Variants in WWC1 observed in about 807,000 individuals in gnomAD.
WWC1 encodes protein KIBRA.
A neutral mutation model predicts 138.4 loss-of-function variants in WWC1; 55 were observed. That is an observed-to-expected ratio of 0.40 (90% CI 0.32 to 0.50). The LOEUF is 0.50. Among genes scored for constraint, WWC1 ranks in the 20% least tolerant of loss-of-function variants. WWC1 has a pLI of 0.72. For missense variants in WWC1, 1,226 were observed against 1,420.4 expected (o/e 0.86, Z 2.20); for synonymous variants, 524 against 564.9 (o/e 0.93, Z 1.03).
At chr5:168,431,183 G>A (rs1007215365) in intron 14 of WWC1, 69 bp from the exon 15 acceptor site, 1 of 1,410,468 alleles carries the variant, frequency 7.1e-7, no homozygotes, top group Non-Finnish European at 9.7e-7. Context: ...TTCAGCAGCT[G>A]TTTAGTCCAA....
At chr5:168,348,881 G>T (rs995082757) in intron 1 of WWC1, among the ~76,000 whole-genome samples, 1 of 152,172 alleles carries the variant, frequency 6.6e-6, no homozygotes, top group South Asian at 2.1e-4. Context: ...TTCCTGAGTG[G>T]TCTGAAAATT....
chr5:168,409,618 T>G (rs910920270), intron 7 of WWC1, among the ~76,000 whole-genome samples: 1 of 152,232 alleles, frequency 6.6e-6, no homozygotes, highest in South Asian at 2.1e-4. Context: ...CTGTCCTCCA[T>G]GCTTCTGTGG....
intron 3 of WWC1, among the ~76,000 whole-genome samples, chr5:168,392,319 A>G (rs1410899762): frequency 6.6e-6 from 1 of 152,148 alleles, no homozygotes; most frequent in Non-Finnish European, 1.5e-5. Flanking sequence ...AAATCTGACC[A>G]GGGAAGAGAT....
intron 21 of WWC1, among the ~76,000 whole-genome samples, chr5:168,466,632 C>G (rs1171832759): frequency 6.6e-6 from 1 of 152,090 alleles, no homozygotes; most frequent in Non-Finnish European, 1.5e-5. Context: ...TTATTTATAC[C>G]CTGTTTACTT....
Position 168,320,000 on chromosome 5 carries a change from T to TAGTGATG in WWC1, c.119+27737_119+27743dup, listed in dbSNP as rs200971532. On this transcript the variant is annotated intron_variant, in intron 1 of 22. Coordinates refer to ENST00000265293, the MANE Select transcript of WWC1 (RefSeq NM_015238.3). ...ATTGTGGTTTTGGTTTGCATTTCCC[T>TAGTGATG]AGTGATGAGTGATGTTGAGCATTTA... 3.1e-3 allele frequency among the ~76,000 whole-genome samples: 472 copies of TAGTGATG among 152,088 alleles called. 2 individuals are homozygous for TAGTGATG. The highest frequency in any genetic ancestry group is 0.011 in the African/African-American group (446 of 41,486).
At chr5:168,446,713 C>A (rs1755305362) in intron 17 of WWC1, among the ~76,000 whole-genome samples, 1 of 152,160 alleles carries the variant, frequency 6.6e-6, no homozygotes, top group Admixed American at 6.5e-5. Flanking sequence ...GGAAATAATA[C>A]TGACTATGTG....
intron 14 of WWC1, 42 bp from the exon 15 acceptor site, chr5:168,431,210 A>G (rs1212484910): frequency 1.3e-6 from 2 of 1,560,082 alleles, no homozygotes; most frequent in Admixed American, 1.8e-5. Context: ...AGCCCCAGAC[A>G]TGGGCTGACC....
intron 1 of WWC1, among the ~76,000 whole-genome samples, chr5:168,349,608 G>A (rs1353419685): frequency 6.6e-6 from 1 of 152,174 alleles, no homozygotes; most frequent in Non-Finnish European, 1.5e-5. Context: ...AAGTGGCCAC[G>A]TCAAGCTGGT....
intron 1 of WWC1, among the ~76,000 whole-genome samples, chr5:168,301,302 A>G (rs1195841428): frequency 6.6e-5 from 10 of 152,216 alleles, no homozygotes; most frequent in Non-Finnish European, 8.8e-5. Context: ...CATAAAGATC[A>G]TTAGAGGACA....
At chr5:168,357,958 G>T (rs1286705961) in intron 1 of WWC1, among the ~76,000 whole-genome samples, 3 of 152,214 alleles carry the variant, frequency 2.0e-5, no homozygotes, top group African/African-American at 7.2e-5. Context: ...CAGTCGAGTT[G>T]CAGACAAGGC....
intron 4 of WWC1, among the ~76,000 whole-genome samples, chr5:168,398,196 T>C (rs7735426): frequency 0.57 from 86,991 of 152,012 alleles, 25,714 homozygotes; most frequent in African/African-American, 0.72. Context: ...CTCTGCCTCC[T>C]GGGTTCACGG....
At chr5:168,360,789 A>G (rs1287302668) in intron 1 of WWC1, among the ~76,000 whole-genome samples, 3 of 152,238 alleles carry the variant, frequency 2.0e-5, no homozygotes, top group African/African-American at 4.8e-5. Context: ...TTCACGGTCA[A>G]TTCCATTTCT....
At chr5:168,369,976 G>A (rs1811295) in intron 1 of WWC1, among the ~76,000 whole-genome samples, 95,490 of 144,560 alleles carry the variant, frequency 0.66, 31,436 homozygotes, top group South Asian at 0.71. Context: ...TCTCGGCTCA[G>A]TGCACCCTCC....
intron 13 of WWC1, among the ~76,000 whole-genome samples, chr5:168,429,709 GA>G (rs71757116): frequency 0.051 from 7,834 of 152,160 alleles, 308 homozygotes; most frequent in East Asian, 0.17. Context: ...TGAGGCAGAG[GA>G]ATCACTTGAT....
In WWC1 at chr5:168,406,313, C is replaced by T; in HGVS notation, c.706C>T (p.Gln236Ter). ...TATTACCTGTGGGGAAAAGGAAAAG[C>T]AAGATCTCATTAAGGTATGCAAGTT... ...KAITCGEKEK[Q>*]DLIKSLAMLK... The change falls in exon 6 of 23, where the codon CAA becomes TAA. Residue 236 changes from glutamine to a stop codon, truncating the protein, a stop_gained. Transcript: ENST00000265293. LOFTEE classifies it high-confidence loss of function. 1 of 1,613,898 alleles carries T rather than the reference C, an allele frequency of 6.2e-7. No homozygotes were observed. The highest frequency in any genetic ancestry group is 8.5e-7 in the Non-Finnish European group (1 of 1,179,828).
intron 1 of WWC1, among the ~76,000 whole-genome samples, chr5:168,301,373 C>T (rs1770054655): frequency 6.6e-6 from 1 of 152,200 alleles, no homozygotes. Context: ...CAGTGGCTGA[C>T]ACCTGTAATT....
intron 21 of WWC1, among the ~76,000 whole-genome samples, chr5:168,467,175 G>T (rs549574923): frequency 5.1e-4 from 78 of 152,240 alleles, no homozygotes; most frequent in African/African-American, 1.8e-3. Context: ...GGAGAATGGC[G>T]TGAACCCAGG....
chr5:168,330,867 C>G (rs1399910621), intron 1 of WWC1, among the ~76,000 whole-genome samples: 1 of 152,158 alleles, frequency 6.6e-6, no homozygotes, highest in Non-Finnish European at 1.5e-5. Context: ...ATAAAAAGAG[C>G]TGGTGCATTC....
intron 1 of WWC1, among the ~76,000 whole-genome samples, chr5:168,324,044 T>C (rs149355891): frequency 2.0e-3 from 312 of 152,356 alleles, no homozygotes; most frequent in African/African-American, 7.2e-3. Flanking sequence ...CAACCACAAG[T>C]ATCCTTAAAA....
Sources: gnomAD v4.1 joint callset for allele counts (sites outside exome capture counted in the v4.1 genomes callset) on GRCh38, gnomAD v4.1.1 for gene constraint, MANE v1.5 for transcripts, NCBI Gene and HGNC (gene_info 2026-07-23, HGNC 2026-07-21) for gene names.